CTNNA3: variants seen among roughly 807,000 people sequenced by gnomAD.
CTNNA3 encodes the protein catenin alpha-3.
A neutral mutation model predicts 95.7 loss-of-function variants in CTNNA3; 76 were observed. The ratio of observed to expected loss-of-function variants is 0.79; its 90% CI spans 0.66 to 0.96. The LOEUF (loss-of-function observed/expected upper bound fraction) is 0.96, where lower values mean the gene tolerates loss of function less well. CTNNA3 is among the 40% of genes least tolerant of loss of function. The probability of loss-of-function intolerance (pLI) is 0.00; values close to 1 mark genes in which losing one functional copy is unlikely to be tolerated. For missense variants in CTNNA3, 1,191 were observed against 1,089.8 expected (o/e 1.09, Z -1.31); for synonymous variants, 431 against 374.4 (o/e 1.15, Z -1.74).
At chr10:67,090,727 G>A (rs948753659) in intron 7 of CTNNA3, among the ~76,000 whole-genome samples, 17 of 151,920 alleles carry the variant, frequency 1.1e-4, no homozygotes, top group Admixed American at 2.0e-4. Flanking sequence ...TATTAGAGAC[G>A]TGTCCAGGCC....
At chr10:67,052,920 T>G (rs928669175) in intron 7 of CTNNA3, among the ~76,000 whole-genome samples, 3 of 152,228 alleles carry the variant, frequency 2.0e-5, no homozygotes, top group African/African-American at 7.2e-5. Context: ...ATAATAGTAC[T>G]CATTTGGCTC....
intron 7 of CTNNA3, among the ~76,000 whole-genome samples, chr10:66,888,993 T>A (rs947944133): frequency 6.6e-6 from 1 of 152,116 alleles, no homozygotes; most frequent in Non-Finnish European, 1.5e-5. Context: ...AGCAAATAGA[T>A]AAATAAACTG....
intron 14 of CTNNA3, among the ~76,000 whole-genome samples, chr10:66,086,455 A>C (rs1444489572): frequency 6.6e-6 from 1 of 152,120 alleles, no homozygotes; most frequent in African/African-American, 2.4e-5. Context: ...TTTTTGCCAA[A>C]GGTTCTTAAG....
At chr10:66,900,092 AGTAGGGGCC>A (rs1845673926) in intron 7 of CTNNA3, among the ~76,000 whole-genome samples, 3 of 152,164 alleles carry the variant, frequency 2.0e-5, no homozygotes, top group African/African-American at 7.2e-5. Context: ...GGCACCTCCC[AGTAGGGGCC>A]GACAGACAAC....
intron 10 of CTNNA3, among the ~76,000 whole-genome samples, chr10:66,590,904 G>T (rs547585309): frequency 6.6e-6 from 1 of 152,160 alleles, no homozygotes; most frequent in South Asian, 2.1e-4. Flanking sequence ...TATATCTAAG[G>T]CATCAAAGTT....
intron 7 of CTNNA3, among the ~76,000 whole-genome samples, chr10:66,790,506 A>G (rs951347980): frequency 6.6e-6 from 1 of 152,162 alleles, no homozygotes; most frequent in Non-Finnish European, 1.5e-5. Flanking sequence ...AATATGTTGC[A>G]GAGAATATGA....
At chr10:67,693,306 C>T (rs1431628812) in intron 1 of CTNNA3, among the ~76,000 whole-genome samples, 8 of 152,184 alleles carry the variant, frequency 5.3e-5, no homozygotes, top group African/African-American at 1.7e-4. Flanking sequence ...AGTTCCACCC[C>T]GCTGTACCAT....
intron 7 of CTNNA3, among the ~76,000 whole-genome samples, chr10:66,831,182 T>C (rs1242703932): frequency 6.6e-6 from 1 of 152,138 alleles, no homozygotes; most frequent in Non-Finnish European, 1.5e-5. Context: ...GGAAAAACAA[T>C]GGTCTTTTTA....
intron 7 of CTNNA3, among the ~76,000 whole-genome samples, chr10:67,064,171 C>A: frequency 6.6e-6 from 1 of 152,078 alleles, no homozygotes; most frequent in East Asian, 1.9e-4. Flanking sequence ...ACTTATCTTT[C>A]ATCTTACATC....
chr10:67,533,200 T>C (rs1840387653), intron 4 of CTNNA3, among the ~76,000 whole-genome samples: 1 of 152,090 alleles, frequency 6.6e-6, no homozygotes, highest in Admixed American at 6.5e-5. Flanking sequence ...GGTGCACACC[T>C]GTAATCCCAG....
chr10:67,190,602 C>T, intron 6 of CTNNA3, among the ~76,000 whole-genome samples: 1 of 151,968 alleles, frequency 6.6e-6, no homozygotes, highest in South Asian at 2.1e-4. Flanking sequence ...CTTTTAGATT[C>T]AAGTATTAAT....
At chr10:66,360,814 TTC>T (rs1564897304) in intron 12 of CTNNA3, among the ~76,000 whole-genome samples, 1,214 of 71,134 alleles carry the variant, frequency 0.017, 49 homozygotes, top group East Asian at 0.029. Context: ...CCTTCCTTCC[TTC>T]CTTTCTTTCT....
intron 10 of CTNNA3, among the ~76,000 whole-genome samples, chr10:66,602,308 T>C (rs974108654): frequency 2.0e-5 from 3 of 151,998 alleles, no homozygotes; most frequent in Admixed American, 1.3e-4. Context: ...AATAATGTTA[T>C]GAACAAAATA....
chr10:67,705,357 A>G (rs1228691746), intron 1 of CTNNA3, among the ~76,000 whole-genome samples: 1 of 151,830 alleles, frequency 6.6e-6, no homozygotes, highest in African/African-American at 2.4e-5. Flanking sequence ...TATTCACAAG[A>G]GCAAAGACTT....
chr10:66,441,783 C>T (rs991817884), intron 11 of CTNNA3, among the ~76,000 whole-genome samples: 8 of 152,130 alleles, frequency 5.3e-5, no homozygotes, highest in African/African-American at 7.2e-5. Context: ...GGGTGGATGG[C>T]AATCTAATGT....
intron 10 of CTNNA3, among the ~76,000 whole-genome samples, chr10:66,606,527 CCT>C (rs1844128903): frequency 6.6e-6 from 1 of 152,122 alleles, no homozygotes; most frequent in Non-Finnish European, 1.5e-5. Flanking sequence ...ATAACACACT[CCT>C]CAGCAAATGC....
chr10:67,122,506 G>A (rs1859520681), intron 7 of CTNNA3, among the ~76,000 whole-genome samples: 1 of 152,036 alleles, frequency 6.6e-6, no homozygotes, highest in African/African-American at 2.4e-5. Context: ...CATGGGGCGG[G>A]GGAAGATGTG....
In CTNNA3 at chr10:66,015,617, G is replaced by A. The variant is rs1161075057; in HGVS notation, c.2160-26820C>T. On this transcript the variant is annotated intron_variant, in intron 15 of 17. Coordinates refer to ENST00000433211, the MANE Select transcript of CTNNA3 (RefSeq NM_013266.4). Reference sequence around the variant, plus strand: ...AACTTTTTCGTTACCTACATAAATAGCAGAATTAAGTAACTGTGACTGAGA... The same window carrying A: ...AACTTTTTCGTTACCTACATAAATAACAGAATTAAGTAACTGTGACTGAGA... Among the ~76,000 whole-genome samples the A allele has an allele frequency of 2.0e-5, 3 of 151,538 alleles. No individual in the cohort carries two copies. The East Asian group carries it at 5.8e-4, about 29-fold the overall frequency.
chr10:67,696,729 C>T (rs1036720511), upstream of CTNNA3, among the ~76,000 whole-genome samples: 1 of 152,038 alleles, frequency 6.6e-6, no homozygotes, highest in African/African-American at 2.4e-5. Flanking sequence ...AAAAAGTCTT[C>T]TCCACCAAAA....
Sources: gnomAD v4.1 joint callset for allele counts (sites outside exome capture counted in the v4.1 genomes callset) on GRCh38, gnomAD v4.1.1 for gene constraint, MANE v1.5 for transcripts, NCBI Gene and HGNC (gene_info 2026-07-23, HGNC 2026-07-21) for gene names.